Variants in COLEC10 observed in about 807,000 individuals in gnomAD.
COLEC10 encodes the protein collectin-10.
In COLEC10, 22 loss-of-function variants were observed where a neutral mutation model predicts 28.4. The observed-to-expected ratio is 0.78, with a 90% confidence interval of 0.55 to 1.11. The LOEUF (loss-of-function observed/expected upper bound fraction) is 1.11, where lower values mean the gene tolerates loss of function less well. Among genes scored for constraint, COLEC10 ranks in the 50% least tolerant of loss-of-function variants. The pLI, the probability that COLEC10 is intolerant of heterozygous loss-of-function variation, is 0.00. For missense variants in COLEC10, 361 were observed against 344.1 expected (o/e 1.05, Z -0.39); for synonymous variants, 125 against 116.1 (o/e 1.08, Z -0.49).
chr8:119,102,813 G>A (rs1815864424), intron 4 of COLEC10: 2 of 163,980 alleles, frequency 1.2e-5, no homozygotes, highest in East Asian at 3.6e-4. Context: ...TACAGTACAT[G>A]CTTTCCATGG....
chr8:118,984,290 C>T, the COLEC10 span, among the ~76,000 whole-genome samples: 30 of 152,034 alleles, frequency 2.0e-4, no homozygotes, highest in South Asian at 5.0e-3. Context: ...AATGAGAACA[C>T]GTGGACACTA....
Position 119,097,371 on chromosome 8 carries a change from T to C in COLEC10, c.293-4977T>C, listed in dbSNP as rs992861851. ...ATTCTTAAAAATGATATTAGAAATT[T>C]GTGGACAGATAAAACAGCAATATGA... is the stretch of plus-strand genomic sequence containing the variant. On this transcript the variant is annotated intron_variant, in intron 3 of 5. Transcript: ENST00000332843. 3.9e-5 allele frequency among the ~76,000 whole-genome samples: 6 copies of C among 152,046 alleles called. No homozygotes were observed. The South Asian group carries it at 1.2e-3, about 31-fold the overall frequency.
chr8:119,024,254 C>G (rs1814148646), intron 2 of COLEC10, among the ~76,000 whole-genome samples: 1 of 152,026 alleles, frequency 6.6e-6, no homozygotes, highest in Non-Finnish European at 1.5e-5. Flanking sequence ...TCCTTGAGGC[C>G]TTCGCTCTTG....
intron 1 of COLEC10, 125 bp downstream of exon 1, chr8:119,067,554 T>C: frequency 1.1e-6 from 1 of 920,266 alleles, no homozygotes; most frequent in Non-Finnish European, 1.6e-6. Flanking sequence ...ATTTTCCTTC[T>C]ATTTTGGAAA....
At chr8:119,089,341 G>A (rs142005400) in intron 1 of COLEC10, among the ~76,000 whole-genome samples, 4 of 152,170 alleles carry the variant, frequency 2.6e-5, no homozygotes, top group Admixed American at 6.6e-5. Context: ...GTGTGTGTGC[G>A]TGTGTGTTTG....
chr8:119,013,299 G>A (rs1813932775), intron 2 of COLEC10, among the ~76,000 whole-genome samples: 1 of 150,136 alleles, frequency 6.7e-6, no homozygotes, highest in Non-Finnish European at 1.5e-5. Flanking sequence ...TTGATTTCTA[G>A]TTTCATTCCA....
intron 2 of COLEC10, among the ~76,000 whole-genome samples, chr8:119,022,162 A>G (rs1347386961): frequency 6.6e-6 from 1 of 152,190 alleles, no homozygotes; most frequent in Non-Finnish European, 1.5e-5. Context: ...CTGTTATAGA[A>G]CTATCAAAAG....
Position 119,074,938 on chromosome 8 carries a change from G to T in COLEC10, c.148+7509G>T, listed in dbSNP as rs183645906. ...TGATAATAGTGTGACTTCTTCATAG[G>T]GATGTGGTGAGGAAAAATGAGTTAA... On this transcript the variant is annotated intron_variant, in intron 1 of 5. Transcript: ENST00000332843. Among the ~76,000 whole-genome samples, 6 of 152,244 alleles carry T rather than the reference G, an allele frequency of 3.9e-5. No individual in the cohort carries two copies. In the East Asian group the frequency reaches 1.2e-3, roughly 29 times the overall value.
At chr8:118,995,713 G>A (rs1002235198) in intron 1 of COLEC10, 2 of 152,116 alleles carry the variant, frequency 1.3e-5, no homozygotes, top group African/African-American at 4.8e-5. Context: ...CACAAGGTAT[G>A]AATCCTAGAT....
At chr8:119,087,765 A>G (rs1815509770) in intron 1 of COLEC10, among the ~76,000 whole-genome samples, 1 of 152,162 alleles carries the variant, frequency 6.6e-6, no homozygotes, top group Non-Finnish European at 1.5e-5. Flanking sequence ...ACCAAAAGGG[A>G]CAACGGTATA....
intron 2 of COLEC10, among the ~76,000 whole-genome samples, chr8:119,012,200 A>G (rs1193667089): frequency 6.6e-6 from 1 of 150,774 alleles, no homozygotes; most frequent in Non-Finnish European, 1.5e-5. Flanking sequence ...TTTGTCAGAT[A>G]CATTCCCTGC....
intron 2 of COLEC10, among the ~76,000 whole-genome samples, chr8:119,025,240 T>C (rs147532575): frequency 4.6e-5 from 7 of 152,298 alleles, no homozygotes; most frequent in African/African-American, 1.4e-4. Context: ...ATCCACTGAG[T>C]GGAAAATCTG....
At chr8:119,027,625 G>T (rs1252984713) in intron 2 of COLEC10, among the ~76,000 whole-genome samples, 2 of 152,106 alleles carry the variant, frequency 1.3e-5, no homozygotes, top group East Asian at 3.9e-4. Context: ...TCCAGCAACA[G>T]CTAATTATTT....
chr8:118,977,749 T>TAATAAATA, the COLEC10 span, among the ~76,000 whole-genome samples: 71 of 148,562 alleles, frequency 4.8e-4, no homozygotes, highest in African/African-American at 1.0e-3. Flanking sequence ...AGTATAATAA[T>TAATAAATA]AATAAATAAA....
At chr8:119,008,132 T>A (rs1327437234) in intron 1 of COLEC10, among the ~76,000 whole-genome samples, 1 of 151,008 alleles carries the variant, frequency 6.6e-6, no homozygotes, top group Non-Finnish European at 1.5e-5. Flanking sequence ...ACTGGAAAAT[T>A]CCAGTTCAAG....
At chr8:119,095,566 GT>G (rs1374064474) in intron 3 of COLEC10, among the ~76,000 whole-genome samples, 1 of 152,152 alleles carries the variant, frequency 6.6e-6, no homozygotes, top group Non-Finnish European at 1.5e-5. Flanking sequence ...GCCTGGCATG[GT>G]AGTGCATGCC....
intron 2 of COLEC10, among the ~76,000 whole-genome samples, chr8:119,024,489 C>T (rs756333394): frequency 2.6e-5 from 4 of 152,022 alleles, no homozygotes; most frequent in South Asian, 4.2e-4. Flanking sequence ...CACTGATTTT[C>T]AAGACCCAGT....
chr8:119,051,047 G>A (rs1236269720), intron 2 of COLEC10, among the ~76,000 whole-genome samples: 2 of 151,976 alleles, frequency 1.3e-5, no homozygotes, highest in Non-Finnish European at 1.5e-5. Flanking sequence ...TCTTTCTAAA[G>A]CTAAGTATTT....
At chr8:119,069,501 G>A (rs1815045800) in intron 1 of COLEC10, among the ~76,000 whole-genome samples, 1 of 146,648 alleles carries the variant, frequency 6.8e-6, no homozygotes, top group South Asian at 2.2e-4. Context: ...CAGTTACTTG[G>A]ACGTCTGAGG....
Sources: gnomAD v4.1 joint callset for allele counts (sites outside exome capture counted in the v4.1 genomes callset) on GRCh38, gnomAD v4.1.1 for gene constraint, MANE v1.5 for transcripts, NCBI Gene and HGNC (gene_info 2026-07-23, HGNC 2026-07-21) for gene names.